The following PGR variants were observed in gnomAD, a reference collection of about 807,000 sequenced individuals.
PGR encodes the protein nuclear receptor subfamily 3 group C member 3.
A neutral mutation model predicts 76.1 loss-of-function variants in PGR; 25 were observed. That is an observed-to-expected ratio of 0.33 (90% CI 0.24 to 0.46). The LOEUF is 0.46. PGR is among the 20% of genes least tolerant of loss of function. PGR has a pLI of 1.00. For missense variants in PGR, 1,172 were observed against 1,225.3 expected (o/e 0.96, Z 0.65); for synonymous variants, 579 against 535.0 (o/e 1.08, Z -1.14).
chr11:101,059,696 C>G (rs1388177911), intron 4 of PGR, among the ~76,000 whole-genome samples: 2 of 151,220 alleles, frequency 1.3e-5, no homozygotes, highest in African/African-American at 4.9e-5. Context: ...TTTAGCCAAG[C>G]AAGGTGGCGC....
At chr11:101,060,036 T>C (rs1006037099) in intron 4 of PGR, among the ~76,000 whole-genome samples, 1 of 152,148 alleles carries the variant, frequency 6.6e-6, no homozygotes, top group African/African-American at 2.4e-5. Flanking sequence ...CTAGGTGTCT[T>C]CATAAACGCT....
At position 101,062,767 on chromosome 11, in the gene PGR, A is replaced by C; in HGVS notation, c.1907-15T>G. On this transcript the variant is annotated splice_polypyrimidine_tract_variant and intron_variant, in intron 3 of 7. Coordinates refer to ENST00000325455, the MANE Select transcript of PGR (RefSeq NM_000926.4). ...AAATTTTCGACCTACAGAGAAGAAA[A>C]AAAAGAAATTCATGTAAATATATAT... 6.3e-7 allele frequency: 1 copy of C among 1,586,822 alleles called. No individual in the cohort carries two copies.
Position 101,039,970 on chromosome 11 carries a change from A to G in PGR, c.2647-699T>C, listed in dbSNP as rs73580067. On this transcript the variant is annotated intron_variant, in intron 7 of 7. Transcript: ENST00000325455. ...AAAATGAAGCTCTCTTATACTAGAC[A>G]CTCTCTTCCTCAACTACATACATGT... 6.5e-3 allele frequency among the ~76,000 whole-genome samples: 992 copies of G among 151,922 alleles called. 10 individuals carry two copies. The highest frequency in any genetic ancestry group is 0.023 in the African/African-American group (952 of 41,460).
chr11:101,128,691 C>G lies in PGR; in HGVS notation c.380G>C (p.Ser127Thr). The change falls in exon 1 of 8, where the codon AGC becomes ACC. Residue 127 changes from serine to threonine, a missense_variant. This residue lies in a region of PGR where 893 missense variants were observed against 785.9 expected (regional missense o/e 1.14). Coordinates refer to ENST00000325455, the MANE Select transcript of PGR (RefSeq NM_000926.4). Reference sequence around the variant, plus strand: ...CTCGCAGGCGGGAGGGCTGGGTTGGCTCTGCCCGGGACCTGAGGGCGCCAA... The same window carrying G: ...CTCGCAGGCGGGAGGGCTGGGTTGGGTCTGCCCGGGACCTGAGGGCGCCAA... ...TLLAPSGPGQ[S>T]QPSPPACEVT... The G allele has an allele frequency of 6.2e-7, 1 of 1,603,722 alleles. No homozygotes were observed. Among genetic ancestry groups the G allele is most frequent in the South Asian group, 1.1e-5 (1 of 89,698 alleles).
At chr11:101,105,875 C>T (rs1276601856) in intron 2 of PGR, among the ~76,000 whole-genome samples, 5 of 152,200 alleles carry the variant, frequency 3.3e-5, no homozygotes, top group Non-Finnish European at 4.4e-5. Context: ...GGTACCAAAA[C>T]GGATATATAG....
chr11:101,118,243 A>G (rs1212334299), intron 2 of PGR, among the ~76,000 whole-genome samples: 1 of 152,250 alleles, frequency 6.6e-6, no homozygotes, highest in African/African-American at 2.4e-5. Context: ...AACCTGTCTC[A>G]TAGGTTTGTT....
At chr11:101,039,648 G>A (rs1344522777) in intron 7 of PGR, among the ~76,000 whole-genome samples, 3 of 151,696 alleles carry the variant, frequency 2.0e-5, no homozygotes, top group Non-Finnish European at 4.4e-5. Flanking sequence ...TGCTAATCTA[G>A]CTGTTTTATA....
At chr11:101,113,506 G>A (rs1862409750) in intron 2 of PGR, among the ~76,000 whole-genome samples, 1 of 151,540 alleles carries the variant, frequency 6.6e-6, no homozygotes. Flanking sequence ...TCCTGACCTC[G>A]TGATCTGCCC....
Position 101,039,084 on chromosome 11 carries a change from A to C in PGR, c.*32T>G, listed in dbSNP as rs1859608204. Reference sequence around the variant, plus strand: ...GACCAAAACAAAAAGACATACCACAAAATTTAATTCTTTAAAAGAAAAAGA... The same window carrying C: ...GACCAAAACAAAAAGACATACCACACAATTTAATTCTTTAAAAGAAAAAGA... On this transcript the variant is annotated 3_prime_UTR_variant, in exon 8 of 8. Coordinates refer to ENST00000325455, the MANE Select transcript of PGR (RefSeq NM_000926.4). The C allele has an allele frequency of 2.5e-6, 4 of 1,586,320 alleles. No homozygotes were observed. Among genetic ancestry groups the C allele is most frequent in the Non-Finnish European group, 2.6e-6 (3 of 1,156,042 alleles).
intron 6 of PGR, among the ~76,000 whole-genome samples, 191 bp from the exon 7 acceptor site, chr11:101,042,293 T>G (rs775324052): frequency 4.6e-5 from 7 of 152,268 alleles, no homozygotes; most frequent in Non-Finnish European, 1.0e-4. Context: ...TCTAGTTCAC[T>G]GGAAGAACAT....
chr11:101,124,191 T>C (rs1378291615), intron 2 of PGR, among the ~76,000 whole-genome samples: 1 of 152,220 alleles, frequency 6.6e-6, no homozygotes, highest in Non-Finnish European at 1.5e-5. Context: ...CTCAAGACTA[T>C]AGGACCATGC....
chr11:101,051,531 G>T lies in PGR; in HGVS notation c.2250C>A (p.Leu750=), dbSNP rs374287878. ...TTAAGCTCATCCAAGAATACTGAAT[G>T]AGAGTTATCTGGTCATCAATATGTA... ...RNLHIDDQIT[L]IQYSWMSLMV... is the part of the protein sequence containing the mutation. Residue 750 remains leucine, a synonymous_variant, in exon 5 of 8, where the codon CTC becomes CTA. Transcript: ENST00000325455. The T allele has an allele frequency of 1.9e-6, 3 of 1,609,350 alleles. No homozygotes were observed. The highest frequency in any genetic ancestry group is 2.6e-6 in the Non-Finnish European group (3 of 1,176,148).
At chr11:101,108,342 C>T (rs940414283) in intron 2 of PGR, among the ~76,000 whole-genome samples, 1 of 151,576 alleles carries the variant, frequency 6.6e-6, no homozygotes, top group Non-Finnish European at 1.5e-5. Flanking sequence ...GAGTTCCAGA[C>T]CAGCCTGCAA....
rs951148234 is a variant in PGR, at chr11:101,069,533, T to A, written c.1907-6781A>T. Among the ~76,000 whole-genome samples, 7 of 146,188 alleles carry A rather than the reference T, an allele frequency of 4.8e-5. No homozygotes were observed. In the Admixed American group the frequency reaches 4.9e-4, roughly 10 times the overall value. ...GGGTATATACCCAAAGGATTATAAA[T>A]CATTGTACCATAAGACACATGCACA... On this transcript the variant is annotated intron_variant, in intron 3 of 7. Transcript: ENST00000325455.
At chr11:101,051,197 C>T (rs1860075903) in intron 5 of PGR, among the ~76,000 whole-genome samples, 1 of 151,916 alleles carries the variant, frequency 6.6e-6, no homozygotes, top group Non-Finnish European at 1.5e-5. Flanking sequence ...TTAAGTTTAT[C>T]TTTAAATATA....
chr11:101,066,289 G>GT (rs1860711452), intron 3 of PGR, among the ~76,000 whole-genome samples: 1 of 152,162 alleles, frequency 6.6e-6, no homozygotes, highest in Admixed American at 6.5e-5. Flanking sequence ...CTTAACCCGG[G>GT]TAAGTACTTA....
chr11:101,092,005 G>A lies in PGR; in HGVS notation c.1790-129C>T, dbSNP rs12288041. The A allele has an allele frequency of 2.8e-5, 19 of 686,300 alleles. No individual in the cohort carries two copies. In the South Asian group the frequency reaches 2.8e-4, roughly 10 times the overall value. The allele number at this position is 686,300 out of a possible 1,614,324, so 42.5% of individuals were successfully genotyped here. On this transcript the variant is annotated intron_variant, in intron 2 of 7. Transcript: ENST00000325455. Reference sequence around the variant, plus strand: ...CATGACTCAGCCAGCTTCCTGCCTGGCACAGCTGAATGTTGGTGAAGCTAT... The same window carrying A: ...CATGACTCAGCCAGCTTCCTGCCTGACACAGCTGAATGTTGGTGAAGCTAT...
At position 101,129,685 on chromosome 11, in the gene PGR, T is replaced by G. The variant is rs1002473904; in HGVS notation, c.-615A>C. The G allele has an allele frequency of 5.5e-6, 1 of 181,288 alleles. No individual in the cohort carries two copies. Among genetic ancestry groups the G allele is most frequent in the Non-Finnish European group, 1.2e-5 (1 of 85,024 alleles). The allele number at this position is 181,288 out of a possible 1,614,324, so 11.2% of individuals were successfully genotyped here. ...CTCCGAAGATCTCAGATCCCAGTAG[T>G]GCGGGAGCACTAGCCGCCTCGGGTT... On this transcript the variant is annotated 5_prime_UTR_variant, in exon 1 of 8. Transcript: ENST00000325455.
chr11:101,050,563 T>C (rs1860051151), intron 5 of PGR, among the ~76,000 whole-genome samples: 1 of 152,106 alleles, frequency 6.6e-6, no homozygotes, highest in African/African-American at 2.4e-5. Context: ...AAAGAGGACA[T>C]TGGCAAGCAT....
Sources: allele counts gnomAD v4.1 joint callset (sites outside exome capture counted in the v4.1 genomes callset), GRCh38; gene constraint gnomAD v4.1.1; regional missense constraint gnomAD v4.1.1; transcripts MANE v1.5; gene names NCBI Gene and HGNC (gene_info 2026-07-23, HGNC 2026-07-21).